The following LRFN2 variants were observed in gnomAD, a reference collection of about 807,000 sequenced individuals.
LRFN2 encodes leucine rich repeat and fibronectin type III domain containing 2, also known as leucine-rich repeat and fibronectin type-III domain-containing protein 2.
LRFN2 carries 18 observed loss-of-function variants against 37.3 expected under a neutral mutation model. The ratio of observed to expected loss-of-function variants is 0.48; its 90% CI spans 0.33 to 0.72. The LOEUF (loss-of-function observed/expected upper bound fraction) is 0.72. Ranked by LOEUF, LRFN2 falls within the 30% of genes least tolerant of loss-of-function variation. LRFN2 has a pLI of 0.02. For synonymous variants in LRFN2, 556 were observed against 466.6 expected, an observed-to-expected ratio of 1.19 and a Z score of -2.47; for missense variants, 1,006 against 1,060.7, an observed-to-expected ratio of 0.95 and a Z score of 0.72.
intron 1 of LRFN2, among the ~76,000 whole-genome samples, chr6:40,499,965 T>C (rs753715462): frequency 3.5e-4 from 54 of 152,362 alleles, no homozygotes; most frequent in South Asian, 2.5e-3. Context: ...AGTTCGTATG[T>C]ATTTCAATAG....
chr6:40,483,211 A>T (rs1764874600), intron 1 of LRFN2, among the ~76,000 whole-genome samples: 1 of 152,268 alleles, frequency 6.6e-6, no homozygotes, highest in Non-Finnish European at 1.5e-5. Context: ...TGTCAATACC[A>T]GCTACGCTGT....
intron 1 of LRFN2, among the ~76,000 whole-genome samples, chr6:40,459,178 C>G (rs2504842): frequency 1 from 151,808 of 152,378 alleles, 75,626 homozygotes; most frequent in East Asian, 1. Flanking sequence ...AGGCAGGTTG[C>G]AGGGCACTGA....
intron 1 of LRFN2, among the ~76,000 whole-genome samples, chr6:40,468,482 T>C (rs1467461788): frequency 6.6e-6 from 1 of 152,136 alleles, no homozygotes; most frequent in African/African-American, 2.4e-5. Context: ...GGAACTGGGC[T>C]CAGATGTAGG....
At chr6:40,459,498 G>C (rs1764302310) in intron 1 of LRFN2, among the ~76,000 whole-genome samples, 1 of 152,156 alleles carries the variant, frequency 6.6e-6, no homozygotes, top group Non-Finnish European at 1.5e-5. Flanking sequence ...CAAAACATGT[G>C]TGTTTTGCTG....
chr6:40,503,525 G>C lies in LRFN2; in HGVS notation c.-18-70394C>G, dbSNP rs145263765. Among the ~76,000 whole-genome samples, 207 of 152,310 alleles carry C rather than the reference G, an allele frequency of 1.4e-3. 1 individual carries two copies. The highest frequency in any genetic ancestry group is 4.9e-3 in the African/African-American group (205 of 41,560). ...CTCTATTGTAGACAGGTAGCGTTTG[G>C]GGACTTTTAAGACATCCAAGAAGAG... On this transcript the variant is annotated intron_variant, in intron 1 of 2. Coordinates refer to ENST00000338305, the MANE Select transcript of LRFN2 (RefSeq NM_020737.3).
intron 2 of LRFN2, among the ~76,000 whole-genome samples, chr6:40,428,070 A>G (rs1763394961): frequency 6.6e-6 from 1 of 152,226 alleles, no homozygotes. Context: ...AAGTGAAATA[A>G]TAGTTTTTAC....
intron 1 of LRFN2, chr6:40,501,823 C>A (rs1458632877): frequency 6.6e-6 from 1 of 152,120 alleles, no homozygotes; most frequent in Admixed American, 6.5e-5. Flanking sequence ...TGCAAAAGCC[C>A]TCATGGAATC....
intron 1 of LRFN2, among the ~76,000 whole-genome samples, chr6:40,586,517 G>A (rs1468910321): frequency 6.6e-6 from 1 of 152,090 alleles, no homozygotes; most frequent in African/African-American, 2.4e-5. Flanking sequence ...CAGAGCTCAG[G>A]GAGTCCCCGG....
At chr6:40,472,140 C>T (rs1425269788) in intron 1 of LRFN2, among the ~76,000 whole-genome samples, 2 of 152,206 alleles carry the variant, frequency 1.3e-5, no homozygotes, top group African/African-American at 2.4e-5. Flanking sequence ...AATTCTTCCC[C>T]GGTCAACCCC....
intron 1 of LRFN2, among the ~76,000 whole-genome samples, chr6:40,506,200 G>A (rs138687013): frequency 1.4e-4 from 21 of 152,292 alleles, no homozygotes; most frequent in Admixed American, 9.8e-4. Context: ...GCAGTAAAGT[G>A]GGTGTCTACA....
intron 2 of LRFN2, among the ~76,000 whole-genome samples, chr6:40,413,930 G>A (rs369740661): frequency 6.6e-6 from 1 of 152,314 alleles, no homozygotes; most frequent in East Asian, 1.9e-4. Context: ...GGGGTTGTTA[G>A]TAGATTGGGC....
chr6:40,443,851 AG>A (rs1349845665), intron 1 of LRFN2, among the ~76,000 whole-genome samples: 1 of 152,178 alleles, frequency 6.6e-6, no homozygotes, highest in Admixed American at 6.5e-5. Flanking sequence ...CCTAGCCTAA[AG>A]GGACAAAGGT....
intron 1 of LRFN2, among the ~76,000 whole-genome samples, chr6:40,477,836 C>T (rs554592312): frequency 6.6e-6 from 1 of 152,188 alleles, no homozygotes; most frequent in African/African-American, 2.4e-5. Context: ...GTGAGTCATC[C>T]GTGCCCCTCT....
chr6:40,560,329 C>T (rs2113929194), intron 1 of LRFN2, among the ~76,000 whole-genome samples: 1 of 152,304 alleles, frequency 6.6e-6, no homozygotes, highest in African/African-American at 2.4e-5. Flanking sequence ...AGGCTCTTCC[C>T]ATGACCAGGC....
At chr6:40,581,016 G>C (rs1767388065) in intron 1 of LRFN2, among the ~76,000 whole-genome samples, 1 of 152,272 alleles carries the variant, frequency 6.6e-6, no homozygotes, top group South Asian at 2.1e-4. Flanking sequence ...GTGTGTGTAT[G>C]AATGTGTGTG....
chr6:40,563,584 G>A (rs968521755), intron 1 of LRFN2, among the ~76,000 whole-genome samples: 1 of 152,108 alleles, frequency 6.6e-6, no homozygotes, highest in Non-Finnish European at 1.5e-5. Flanking sequence ...CAGCTGAGGC[G>A]AAGGTAGATA....
intron 1 of LRFN2, among the ~76,000 whole-genome samples, chr6:40,453,194 C>T (rs1764153814): frequency 1.3e-5 from 2 of 151,974 alleles, no homozygotes; most frequent in Non-Finnish European, 2.9e-5. Context: ...AACTGTCACT[C>T]TAGAAATGTC....
At chr6:40,529,574 G>A (rs1213400993) in intron 1 of LRFN2, among the ~76,000 whole-genome samples, 1 of 152,194 alleles carries the variant, frequency 6.6e-6, no homozygotes, top group Non-Finnish European at 1.5e-5. Flanking sequence ...CCAAAATAAA[G>A]AGCCTATGGA....
At chr6:40,552,770 C>G (rs139065844) in intron 1 of LRFN2, among the ~76,000 whole-genome samples, 1 of 152,128 alleles carries the variant, frequency 6.6e-6, no homozygotes, top group African/African-American at 2.4e-5. Flanking sequence ...ATTACCCTAC[C>G]CCAGCAACTA....
Sources: allele counts gnomAD v4.1 joint callset (sites outside exome capture counted in the v4.1 genomes callset), GRCh38; gene constraint gnomAD v4.1.1; transcripts MANE v1.5; gene names NCBI Gene and HGNC (gene_info 2026-07-23, HGNC 2026-07-21).